Variants in VNN1 observed in about 807,000 individuals in gnomAD.
VNN1 encodes the protein vanin 1.
Under a neutral mutation model 41.9 loss-of-function variants are expected in VNN1, and 29 were observed. The observed-to-expected ratio is 0.69, with a 90% confidence interval of 0.52 to 0.94. The LOEUF (loss-of-function observed/expected upper bound fraction) is 0.94, where lower values mean the gene tolerates loss of function less well. VNN1 is among the 40% of genes least tolerant of loss of function. The pLI is 0.00. For missense variants in VNN1, 637 were observed against 621.1 expected (o/e 1.03, Z -0.27); for synonymous variants, 233 against 224.4 (o/e 1.04, Z -0.34).
intron 1 of VNN1, 87 bp from the exon 2 acceptor site, chr6:132,711,926 C>T (rs1778606727): frequency 7.4e-7 from 1 of 1,344,796 alleles, no homozygotes; most frequent in Admixed American, 2.5e-5. Context: ...TTGGGCTTCC[C>T]CCACACCCCT....
rs1045999853 is a variant in VNN1, at chr6:132,681,618, C to T, written c.*1522G>A. On this transcript the variant is annotated 3_prime_UTR_variant, in exon 7 of 7. Coordinates refer to ENST00000367928, the MANE Select transcript of VNN1 (RefSeq NM_004666.3). ...TTTTGAAGTTTTTAATAATTCAAGC[C>T]TATCACCAACACATCAATATGTTTT... 1 of 152,412 alleles carries T rather than the reference C, an allele frequency of 6.6e-6. No homozygotes were observed. Among genetic ancestry groups the T allele is most frequent in the Non-Finnish European group, 1.5e-5 (1 of 68,004 alleles). The allele number at this position is 152,412 out of a possible 1,614,324, so 9.4% of individuals were successfully genotyped here.
chr6:132,709,365 A>T (rs1022367893), intron 2 of VNN1, among the ~76,000 whole-genome samples: 3 of 152,142 alleles, frequency 2.0e-5, no homozygotes, highest in Admixed American at 6.5e-5. Context: ...CTCAAAAAAA[A>T]TTTGCAGAGT....
chr6:132,695,421 T>C lies in VNN1; in HGVS notation c.342-1239A>G, dbSNP rs1254017825. Among the ~76,000 whole-genome samples, 9 of 152,314 alleles carry C rather than the reference T, an allele frequency of 5.9e-5. 1 individual carries two copies. The highest frequency in any genetic ancestry group is 2.2e-4 in the African/African-American group (9 of 41,572). ...TGTCCCTGTGACAGGCTGCCATGTC[T>C]GTGTTCCTAAAGCAGCTTGCAGGCA... On this transcript the variant is annotated intron_variant, in intron 2 of 6. Transcript: ENST00000367928.
chr6:132,702,158 T>A (rs775889277), intron 2 of VNN1, among the ~76,000 whole-genome samples: 1 of 152,160 alleles, frequency 6.6e-6, no homozygotes, highest in Non-Finnish European at 1.5e-5. Flanking sequence ...CCATGGCCTG[T>A]TAGAAACTGG....
intron 2 of VNN1, among the ~76,000 whole-genome samples, chr6:132,697,041 C>T (rs1002261483): frequency 6.6e-6 from 1 of 151,890 alleles, no homozygotes; most frequent in Non-Finnish European, 1.5e-5. Flanking sequence ...GGAGGTGGAG[C>T]TTGCAGTGAG....
chr6:132,688,119 A>G (rs573539037), intron 5 of VNN1, among the ~76,000 whole-genome samples: 1 of 152,210 alleles, frequency 6.6e-6, no homozygotes, highest in African/African-American at 2.4e-5. Flanking sequence ...ATATAATATT[A>G]TACCAAAATT....
Position 132,682,208 on chromosome 6 carries a change from A to C in VNN1, c.*932T>G, listed in dbSNP as rs1454866855. 6.6e-6 allele frequency: 1 copy of C among 152,182 alleles called. No individual in the cohort carries two copies. Among genetic ancestry groups the C allele is most frequent in the Non-Finnish European group, 1.5e-5 (1 of 68,020 alleles). The allele number at this position is 152,182 out of a possible 1,614,324, so 9.4% of individuals were successfully genotyped here. ...TCAATCCATCAGCAATCCTTCTCTA[A>C]GAGTGTCTATTGGAGTCTTGAGGAC... On this transcript the variant is annotated 3_prime_UTR_variant, in exon 7 of 7. Transcript: ENST00000367928.
At chr6:132,703,438 T>A (rs1189505636) in intron 2 of VNN1, among the ~76,000 whole-genome samples, 1 of 152,204 alleles carries the variant, frequency 6.6e-6, no homozygotes, top group Non-Finnish European at 1.5e-5. Context: ...AAGCTTTTAT[T>A]AGCTTTCTCT....
intron 5 of VNN1, among the ~76,000 whole-genome samples, chr6:132,687,153 G>T (rs941976918): frequency 6.6e-6 from 1 of 152,134 alleles, no homozygotes; most frequent in East Asian, 1.9e-4. Flanking sequence ...GTGGAATGAG[G>T]AATACACATA....
chr6:132,685,079 A>G (rs1778187646), intron 5 of VNN1, among the ~76,000 whole-genome samples: 1 of 152,248 alleles, frequency 6.6e-6, no homozygotes, highest in Non-Finnish European at 1.5e-5. Context: ...TTCACACAAT[A>G]AAAGAGCTTC....
At chr6:132,687,990 G>A (rs73559734) in intron 5 of VNN1, among the ~76,000 whole-genome samples, 4,239 of 152,118 alleles carry the variant, frequency 0.028, 195 homozygotes, top group African/African-American at 0.097. Flanking sequence ...CAAGATAGGG[G>A]TTTATTTCAC....
Position 132,684,497 on chromosome 6 carries a change from G to C in VNN1, c.1197C>G (p.Thr399=). 2 of 1,613,602 alleles carry C rather than the reference G, an allele frequency of 1.2e-6. No individual in the cohort carries two copies. The highest frequency in any genetic ancestry group is 1.7e-6 in the Non-Finnish European group (2 of 1,179,822). Residue 399 remains threonine (T), a synonymous_variant, in exon 6 of 7, where the codon ACC becomes ACG. Transcript: ENST00000367928. ...AATTAGTCGTTTTACATTTCAACAG[G>C]GTACAAATCTAGGGAAGTCATGAAA... ...VEGRYYLQIC[T]LLKCKTTNLN...
chr6:132,684,086 G>C (rs1778170722), intron 6 of VNN1, among the ~76,000 whole-genome samples: 1 of 151,948 alleles, frequency 6.6e-6, no homozygotes, highest in South Asian at 2.1e-4. Flanking sequence ...CTACTTGGAA[G>C]ACTTTAAACT....
chr6:132,701,920 G>A (rs770710812), intron 2 of VNN1, among the ~76,000 whole-genome samples: 4 of 152,234 alleles, frequency 2.6e-5, no homozygotes, highest in Admixed American at 6.5e-5. Flanking sequence ...AAGCAACATG[G>A]CACAGAATTC....
chr6:132,695,327 G>T (rs1327222790), intron 2 of VNN1, among the ~76,000 whole-genome samples: 2 of 152,182 alleles, frequency 1.3e-5, no homozygotes, highest in Non-Finnish European at 2.9e-5. Context: ...ATGCTTGGAA[G>T]GTAACTTACA....
intron 1 of VNN1, among the ~76,000 whole-genome samples, chr6:132,712,688 AC>A (rs1177523840): frequency 6.6e-6 from 1 of 152,196 alleles, no homozygotes; most frequent in African/African-American, 2.4e-5. Flanking sequence ...GGTTACTTGA[AC>A]TGTCCCATGC....
At position 132,692,308 on chromosome 6, in the gene VNN1, T is replaced by C. The variant is rs1248616302; in HGVS notation, c.1103A>G (p.Lys368Arg). The change falls in exon 5 of 7, where the codon AAA becomes AGA. Residue 368 changes from lysine to arginine, a missense_variant. Coordinates refer to ENST00000367928, the MANE Select transcript of VNN1 (RefSeq NM_004666.3). ...TTCATTTGGTATGTTCTCAGACATT[T>C]TGTAGCTTAAATGACAGCAGAGATC... ...QKDLCCHLSYKMSENIPNEVY... is the reference protein window; with the variant it reads ...QKDLCCHLSYRMSENIPNEVY... The C allele has an allele frequency of 6.2e-7, 1 of 1,614,202 alleles. No individual in the cohort carries two copies. The highest frequency in any genetic ancestry group is 8.5e-7 in the Non-Finnish European group (1 of 1,180,018).
chr6:132,713,741 A>C, intron 1 of VNN1, 85 bp downstream of exon 1: 3 of 1,424,210 alleles, frequency 2.1e-6, no homozygotes, highest in Non-Finnish European at 2.9e-6. Context: ...TAAAAGTGTA[A>C]CTGACCCTGA....
intron 2 of VNN1, among the ~76,000 whole-genome samples, chr6:132,695,129 G>T (rs1291934782): frequency 6.6e-6 from 1 of 152,072 alleles, no homozygotes; most frequent in Non-Finnish European, 1.5e-5. Context: ...TCCATCCTAG[G>T]CAACAAGAGT....
Sources: allele counts gnomAD v4.1 joint callset (sites outside exome capture counted in the v4.1 genomes callset), GRCh38; gene constraint gnomAD v4.1.1; transcripts MANE v1.5; gene names NCBI Gene and HGNC (gene_info 2026-07-23, HGNC 2026-07-21).